Variants in EFHC2 observed in about 807,000 individuals in gnomAD.
EFHC2 encodes EF-hand domain-containing family member C2.
In EFHC2, 18 loss-of-function variants were observed where a neutral mutation model predicts 52.7. That is an observed-to-expected ratio of 0.34 (90% CI 0.24 to 0.51). The LOEUF (loss-of-function observed/expected upper bound fraction) is 0.51, where lower values mean the gene tolerates loss of function less well. EFHC2 is among the 20% of genes least tolerant of loss of function. EFHC2 has a pLI of 0.97. For missense variants in EFHC2, 513 were observed against 562.5 expected (o/e 0.91, Z 0.89); for synonymous variants, 203 against 204.1 (o/e 0.99, Z 0.04).
chrX:44,226,829 C>G (rs1164408088), intron 11 of EFHC2, among the ~76,000 whole-genome samples: 1 of 108,343 alleles, frequency 9.2e-6, no homozygotes, highest in Non-Finnish European at 1.9e-5. Flanking sequence ...ACCACCATGG[C>G]ACGTGTATAC....
At chrX:44,208,216 CTA>C (rs1490267269) in intron 11 of EFHC2, among the ~76,000 whole-genome samples, 1 of 112,153 alleles carries the variant, frequency 8.9e-6, no homozygotes, top group East Asian at 2.8e-4. Flanking sequence ...TAGGTTGATT[CTA>C]TGAGGTGGTT....
intron 1 of EFHC2, among the ~76,000 whole-genome samples, chrX:44,318,406 G>A (rs750512440): frequency 1.8e-5 from 2 of 112,096 alleles, no homozygotes; most frequent in Non-Finnish European, 3.8e-5. Context: ...CTGCTTACCG[G>A]GTACAGGTTT....
At chrX:44,273,904 T>C (rs1340023004) in intron 2 of EFHC2, among the ~76,000 whole-genome samples, 1 of 111,807 alleles carries the variant, frequency 8.9e-6, no homozygotes, top group Non-Finnish European at 1.9e-5. Context: ...CAATATGATA[T>C]ATATGAGTGA....
chrX:44,178,562 T>C lies in EFHC2; in HGVS notation c.1754A>G (p.Asp585Gly). The change falls in exon 12 of 15, where the codon GAC becomes GGC. Residue 585 changes from aspartate (D) to glycine (G), a missense_variant and splice_region_variant. Physicochemically the swap from Asp to Gly is moderately conservative, Grantham distance 94. Coordinates refer to ENST00000420999, the MANE Select transcript of EFHC2 (RefSeq NM_025184.4). ...TNMVDYNTFR[D>G]ILMSLTVGNL... is the part of the protein sequence containing the mutation. The stretch of plus-strand genomic sequence containing the variant: ...TCCAACAGTCAAAGACATCAATATG[T>C]CTCTGTAATAAAAATGGAAAAACAT... 1 of 1,171,083 alleles carries C rather than the reference T, an allele frequency of 8.5e-7. No individual in the cohort carries two copies. The highest frequency in any genetic ancestry group is 1.1e-6 in the Non-Finnish European group (1 of 877,675).
At position 44,310,464 on chromosome X, in the gene EFHC2, G is replaced by A. The variant is rs73483076; in HGVS notation, c.231+2104C>T. On this transcript the variant is annotated intron_variant, in intron 2 of 14. Transcript: ENST00000420999. ...TCCGTAATGTGCAGCAGCGGGACGC[G>A]GACGGAGAGCATGGTGGTAGCGCGG... 24 of 711,847 alleles carry A rather than the reference G, an allele frequency of 3.4e-5. No homozygotes were observed. In the African/African-American group the frequency reaches 5.0e-4, roughly 15 times the overall value. The allele number at this position is 711,847 out of a possible 1,213,427, so 58.7% of individuals were successfully genotyped here. A position where few individuals can be genotyped will look rare whatever the true frequency, so the allele number is the denominator to read the frequency against.
chrX:44,183,500 T>C (rs767575566), intron 11 of EFHC2, among the ~76,000 whole-genome samples: 6 of 111,770 alleles, frequency 5.4e-5, no homozygotes, highest in African/African-American at 2.0e-4. Flanking sequence ...TAGAGGGTGG[T>C]AGAGATAGCT....
At chrX:44,289,871 T>C (rs926129959) in intron 2 of EFHC2, among the ~76,000 whole-genome samples, 2 of 109,440 alleles carry the variant, frequency 1.8e-5, no homozygotes, top group Non-Finnish European at 1.9e-5. Context: ...TTTGTAGAGA[T>C]GGGGTTTCAC....
chrX:44,169,938 T>C (rs1450838412), intron 13 of EFHC2, among the ~76,000 whole-genome samples: 2 of 112,087 alleles, frequency 1.8e-5, no homozygotes, highest in Non-Finnish European at 3.8e-5. Flanking sequence ...GTGCACTCAA[T>C]ATGTACATGC....
intron 2 of EFHC2, among the ~76,000 whole-genome samples, chrX:44,306,977 T>C (rs901079372): frequency 1.8e-5 from 2 of 111,964 alleles, no homozygotes; most frequent in Non-Finnish European, 3.8e-5. Context: ...TTATCCCCCC[T>C]TCAGGCAAGG....
intron 11 of EFHC2, among the ~76,000 whole-genome samples, chrX:44,218,253 A>C (rs1049963384): frequency 9.0e-6 from 1 of 111,552 alleles, no homozygotes; most frequent in Non-Finnish European, 1.9e-5. Context: ...GTATTACATA[A>C]GGAAACTATT....
chrX:44,241,859 T>C (rs1295744974), intron 8 of EFHC2, among the ~76,000 whole-genome samples: 1 of 112,008 alleles, frequency 8.9e-6, no homozygotes, highest in African/African-American at 3.2e-5. Context: ...GAGACAGATA[T>C]ATAGATAGAT....
At position 44,164,041 on chromosome X, in the gene EFHC2, TATA is replaced by T; in HGVS notation, c.2043-17_2043-15del. 1 of 1,016,982 alleles carries T rather than the reference TATA, an allele frequency of 9.8e-7. No homozygotes were observed. Among genetic ancestry groups the T allele is most frequent in the South Asian group, 2.7e-5 (1 of 37,571 alleles). The allele number at this position is 1,016,982 out of a possible 1,213,427, so 83.8% of individuals were successfully genotyped here. A position where few individuals can be genotyped will look rare whatever the true frequency, so the allele number is the denominator to read the frequency against. On this transcript the variant is annotated splice_polypyrimidine_tract_variant and intron_variant, in intron 13 of 14. Coordinates refer to ENST00000420999, the MANE Select transcript of EFHC2 (RefSeq NM_025184.4). Reference sequence around the variant, plus strand: ...CTGTCTTCAAACCTGAAAATATAATTATAATATATAATTTGACTCAATCTGCAG... The same window carrying T: ...CTGTCTTCAAACCTGAAAATATAATTATATATAATTTGACTCAATCTGCAG...
intron 14 of EFHC2, among the ~76,000 whole-genome samples, chrX:44,149,126 G>C (rs775040445): frequency 1.8e-5 from 2 of 112,195 alleles, no homozygotes; most frequent in Non-Finnish European, 3.8e-5. Context: ...TGTGGAGTAA[G>C]AAGGGTATAT....
intron 9 of EFHC2, among the ~76,000 whole-genome samples, chrX:44,234,022 A>G (rs28702908): frequency 0.22 from 24,522 of 111,139 alleles, 3,423 homozygotes; most frequent in African/African-American, 0.5. Flanking sequence ...GTGCTTCACA[A>G]GCATCAGAAC....
At chrX:44,299,039 A>G (rs2037850075) in intron 2 of EFHC2, among the ~76,000 whole-genome samples, 1 of 110,715 alleles carries the variant, frequency 9.0e-6, no homozygotes, top group Non-Finnish European at 1.9e-5. Context: ...ATGAATCTAT[A>G]TATGGGATAA....
chrX:44,299,707 G>A (rs2037854641), intron 2 of EFHC2, among the ~76,000 whole-genome samples: 1 of 112,007 alleles, frequency 8.9e-6, no homozygotes, highest in African/African-American at 3.2e-5. Context: ...CTTAACCTTG[G>A]CAAAATAAAC....
At chrX:44,259,969 T>C (rs919286005) in intron 4 of EFHC2, among the ~76,000 whole-genome samples, 1 of 111,763 alleles carries the variant, frequency 8.9e-6, no homozygotes, top group African/African-American at 3.3e-5. Context: ...ACAAGTGGCT[T>C]TTAAAAAGAG....
chrX:44,338,140 A>T (rs374023293), intron 1 of EFHC2, among the ~76,000 whole-genome samples: 8 of 111,486 alleles, frequency 7.2e-5, no homozygotes, highest in African/African-American at 2.6e-4. Context: ...ACTGAATTGT[A>T]TACTTTTAAA....
chrX:44,243,055 T>C (rs1329978051), intron 7 of EFHC2, among the ~76,000 whole-genome samples: 1 of 111,800 alleles, frequency 8.9e-6, no homozygotes, highest in Non-Finnish European at 1.9e-5. Flanking sequence ...TATATACTTA[T>C]CATCTGTGAG....
Sources: allele counts gnomAD v4.1 joint callset (sites outside exome capture counted in the v4.1 genomes callset), GRCh38; gene constraint gnomAD v4.1.1; transcripts MANE v1.5; gene names NCBI Gene and HGNC (gene_info 2026-07-23, HGNC 2026-07-21).